Variants in TMTC1 observed in about 807,000 individuals in gnomAD.
TMTC1 encodes protein O-mannosyl-transferase TMTC1.
A neutral mutation model predicts 104.8 loss-of-function variants in TMTC1; 73 were observed. The ratio of observed to expected loss-of-function variants is 0.70; its 90% confidence interval spans 0.58 to 0.85. TMTC1 has a LOEUF of 0.85. Among genes scored for constraint, TMTC1 ranks in the 40% least tolerant of loss-of-function variants. The pLI, the probability that TMTC1 is intolerant of heterozygous loss-of-function variation, is 0.00. For missense variants in TMTC1, 1,035 were observed against 1,096.1 expected, an observed-to-expected ratio of 0.94 and a Z score of 0.79; for synonymous variants, 434 against 428.7, an observed-to-expected ratio of 1.01 and a Z score of -0.15.
intron 16 of TMTC1, among the ~76,000 whole-genome samples, chr12:29,512,856 A>G (rs11050262): frequency 1.2e-3 from 186 of 152,332 alleles, no homozygotes; most frequent in African/African-American, 4.3e-3. Context: ...AAATAAAGCC[A>G]CAGGTTAAGG....
At chr12:29,621,470 G>C (rs1288147469) in intron 6 of TMTC1, among the ~76,000 whole-genome samples, 2 of 152,262 alleles carry the variant, frequency 1.3e-5, no homozygotes, top group East Asian at 3.9e-4. Flanking sequence ...GACTGCATGG[G>C]CAGCAAAGCT....
intron 6 of TMTC1, among the ~76,000 whole-genome samples, chr12:29,625,209 A>G (rs1937914991): frequency 6.6e-6 from 1 of 152,092 alleles, no homozygotes; most frequent in Non-Finnish European, 1.5e-5. Context: ...ATAAAGCATG[A>G]CCTCTATGTT....
In TMTC1 at chr12:29,704,043, T is replaced by C. The variant is rs1941674647; in HGVS notation, c.938+47623A>G. Among the ~76,000 whole-genome samples, 5 of 152,178 alleles carry C rather than the reference T, an allele frequency of 3.3e-5. No homozygotes were observed. The South Asian group carries it at 8.3e-4, about 25-fold the overall frequency. On this transcript the variant is annotated intron_variant, in intron 5 of 17. Coordinates refer to ENST00000539277, the MANE Select transcript of TMTC1 (RefSeq NM_001193451.2). ...TGAGTCCATTGAACCTCTTTTTCTT[T>C]ATAAATTACCCAGTCCCGGGTATTT...
intron 2 of TMTC1, among the ~76,000 whole-genome samples, chr12:29,766,463 G>A (rs1242038029): frequency 6.6e-6 from 1 of 152,186 alleles, no homozygotes; most frequent in African/African-American, 2.4e-5. Flanking sequence ...ATTCTTCATA[G>A]AGATACGTGT....
chr12:29,595,658 G>C (rs1398797740), intron 7 of TMTC1, among the ~76,000 whole-genome samples: 1 of 152,232 alleles, frequency 6.6e-6, no homozygotes, highest in Admixed American at 6.5e-5. Flanking sequence ...GGATGGAGCA[G>C]TTCAGGAGGG....
chr12:29,543,009 T>TC (rs1944844438), intron 10 of TMTC1, among the ~76,000 whole-genome samples: 1 of 152,114 alleles, frequency 6.6e-6, no homozygotes, highest in African/African-American at 2.4e-5. Flanking sequence ...CTCTCATGTT[T>TC]CCCCCGGGAG....
At chr12:29,618,965 T>C (rs1175136999) in intron 6 of TMTC1, among the ~76,000 whole-genome samples, 2 of 152,168 alleles carry the variant, frequency 1.3e-5, no homozygotes, top group African/African-American at 4.8e-5. Context: ...ATATGAATCA[T>C]TATGAGAAAT....
At chr12:29,735,686 C>A (rs1942653654) in intron 5 of TMTC1, among the ~76,000 whole-genome samples, 1 of 152,170 alleles carries the variant, frequency 6.6e-6, no homozygotes, top group Non-Finnish European at 1.5e-5. Flanking sequence ...AGGAAGACTG[C>A]ATTTTTAACT....
intron 4 of TMTC1, 58 bp downstream of exon 4, chr12:29,755,649 TAA>T: frequency 6.8e-7 from 1 of 1,475,970 alleles, no homozygotes; most frequent in Non-Finnish European, 9.2e-7. Flanking sequence ...TGGAAACTAT[TAA>T]GTAATTTTTC....
At chr12:29,559,195 G>A (rs772977248) in intron 9 of TMTC1, among the ~76,000 whole-genome samples, 7 of 152,096 alleles carry the variant, frequency 4.6e-5, no homozygotes, top group Non-Finnish European at 8.8e-5. Flanking sequence ...TTTATTTAAG[G>A]CTCTGAGCCC....
At chr12:29,543,379 T>C (rs1273464048) in intron 10 of TMTC1, among the ~76,000 whole-genome samples, 13 of 152,252 alleles carry the variant, frequency 8.5e-5, no homozygotes. Context: ...TCATGACATA[T>C]TCATTTAAAC....
chr12:29,761,779 A>C (rs1943356501), intron 2 of TMTC1, among the ~76,000 whole-genome samples: 1 of 152,180 alleles, frequency 6.6e-6, no homozygotes, highest in East Asian at 1.9e-4. Flanking sequence ...TGGTGTGTTA[A>C]AGAATCCATC....
At chr12:29,522,370 T>C (rs574420964) in intron 11 of TMTC1, among the ~76,000 whole-genome samples, 98 of 152,304 alleles carry the variant, frequency 6.4e-4, no homozygotes, top group African/African-American at 2.2e-3. Context: ...GTGTGGTTTG[T>C]CAAACTTCAT....
At chr12:29,587,927 A>G (rs998428826) in intron 7 of TMTC1, among the ~76,000 whole-genome samples, 1 of 152,160 alleles carries the variant, frequency 6.6e-6, no homozygotes, top group African/African-American at 2.4e-5. Flanking sequence ...CACCTCCTTA[A>G]AAAACTTTTT....
At chr12:29,698,225 C>T (rs1374561079) in intron 5 of TMTC1, among the ~76,000 whole-genome samples, 1 of 152,188 alleles carries the variant, frequency 6.6e-6, no homozygotes, top group African/African-American at 2.4e-5. Context: ...GTATTGTCCT[C>T]TCCCACGCCC....
At chr12:29,648,902 A>C (rs7956446) in intron 5 of TMTC1, among the ~76,000 whole-genome samples, 45 of 151,958 alleles carry the variant, frequency 3.0e-4, no homozygotes, top group African/African-American at 9.7e-4. Context: ...GTGCCTTTAC[A>C]CTTCCAGCAC....
rs146463669 is a variant in TMTC1, at chr12:29,673,744, CTTTT to C, written c.939-40412_939-40409del. On this transcript the variant is annotated intron_variant, in intron 5 of 17. Transcript: ENST00000539277. ...GATGCTATGGCTGCCAGAGGGACTT[CTTTT>C]TTTTTTTTTTTTTTTTTTTTTCTTT... Among the ~76,000 whole-genome samples the C allele has an allele frequency of 1.4e-3, 131 of 95,736 alleles. 1 individual carries two copies. Among genetic ancestry groups the C allele is most frequent in the African/African-American group, 2.4e-3 (61 of 25,154 alleles). The allele number at this position is 95,736 out of a possible 152,430, so 62.8% of individuals were successfully genotyped here.
chr12:29,767,146 A>G (rs1943484663), intron 2 of TMTC1, among the ~76,000 whole-genome samples: 1 of 151,972 alleles, frequency 6.6e-6, no homozygotes, highest in Non-Finnish European at 1.5e-5. Context: ...AGACATGGGG[A>G]TTCACCACAT....
intron 17 of TMTC1, 106 bp from the exon 18 acceptor site, chr12:29,507,092 T>G: frequency 2.2e-6 from 2 of 898,626 alleles, no homozygotes; most frequent in Non-Finnish European, 3.6e-6. Flanking sequence ...TACATTAATG[T>G]TCTCATATGG....
Sources: allele counts gnomAD v4.1 joint callset (sites outside exome capture counted in the v4.1 genomes callset), GRCh38; gene constraint gnomAD v4.1.1; transcripts MANE v1.5; gene names NCBI Gene and HGNC (gene_info 2026-07-23, HGNC 2026-07-21).